Variants in COL28A1 observed in about 807,000 individuals in gnomAD.
The protein encoded by COL28A1 is collagen type XXVIII alpha 1 chain, also known as collagen alpha-1(XXVIII) chain.
In COL28A1, 161 loss-of-function variants were observed where a neutral mutation model predicts 150.2. That is an observed-to-expected ratio of 1.07 (90% CI 0.94 to 1.22). The LOEUF is 1.22. COL28A1 is among the 50% of genes most tolerant of loss of function. COL28A1 has a pLI of 0.00. For missense variants in COL28A1, 1,617 were observed against 1,388.3 expected (o/e 1.16, Z -2.62); for synonymous variants, 552 against 469.7 (o/e 1.18, Z -2.26).
intron 25 of COL28A1, among the ~76,000 whole-genome samples, chr7:7,427,616 A>G (rs975359473): frequency 6.6e-6 from 1 of 152,180 alleles, no homozygotes; most frequent in South Asian, 2.1e-4. Context: ...TGCTGGGAAC[A>G]TTTTTAGAAT....
chr7:7,477,320 C>T (rs759770778), intron 13 of COL28A1, 140 bp from the exon 14 acceptor site: 30 of 631,314 alleles, frequency 4.8e-5, no homozygotes, highest in Admixed American at 1.4e-4. Context: ...TGGATCTGTA[C>T]TAAACATGTA....
chr7:7,437,414 G>C lies in COL28A1; in HGVS notation c.1771C>G (p.Pro591Ala), dbSNP rs370364828. Residue 591 changes from proline to alanine, a missense_variant, in exon 22 of 35, where the codon CCT (proline) becomes GCT (alanine). Pro to Ala is a conservative substitution (Grantham distance 27, BLOSUM62 -1). Coordinates refer to ENST00000399429, the MANE Select transcript of COL28A1 (RefSeq NM_001037763.3). ...GPFGMPGTSI[P>A]GPPGPKGDRG... ...TATACCTTTGGCCCAGGTGGTCCAG[G>C]AATTGATGTTCCAGGCATTCCAAAA... is the stretch of plus-strand genomic sequence containing the variant. The C allele has an allele frequency of 1.9e-6, 3 of 1,613,260 alleles. No individual in the cohort carries two copies. Among genetic ancestry groups the C allele is most frequent in the Non-Finnish European group, 2.5e-6 (3 of 1,179,778 alleles).
At chr7:7,355,483 G>T (rs548966306), downstream of COL28A1, among the ~76,000 whole-genome samples, 11 of 152,088 alleles carry the variant, frequency 7.2e-5, no homozygotes, top group Admixed American at 7.2e-4. Flanking sequence ...GGTGGCAGGC[G>T]GCTGTAGTCC....
intron 27 of COL28A1, among the ~76,000 whole-genome samples, chr7:7,409,441 GA>G (rs1783663567): frequency 6.6e-6 from 1 of 151,884 alleles, no homozygotes; most frequent in South Asian, 2.1e-4. Context: ...GAGAAAGAAA[GA>G]AATGAAGGAA....
chr7:7,482,665 T>G (rs1348377311), intron 13 of COL28A1, among the ~76,000 whole-genome samples: 1 of 152,168 alleles, frequency 6.6e-6, no homozygotes, highest in Non-Finnish European at 1.5e-5. Flanking sequence ...TAATTATGAC[T>G]TGGAAAGCAA....
chr7:7,508,215 G>C (rs985553087), intron 9 of COL28A1, among the ~76,000 whole-genome samples: 11 of 150,148 alleles, frequency 7.3e-5, no homozygotes, highest in African/African-American at 2.5e-4. Flanking sequence ...CTGGGCAACA[G>C]AGCGAGACTC....
intron 23 of COL28A1, among the ~76,000 whole-genome samples, chr7:7,433,363 C>T (rs750673248): frequency 1.6e-4 from 24 of 152,112 alleles, no homozygotes; most frequent in Non-Finnish European, 3.2e-4. Context: ...TGGCCGGGTG[C>T]GGTGGCTCAC....
intron 33 of COL28A1, among the ~76,000 whole-genome samples, chr7:7,367,777 C>T (rs908761637): frequency 6.7e-6 from 1 of 150,214 alleles, no homozygotes; most frequent in Non-Finnish European, 1.5e-5. Flanking sequence ...CAGGCACCTC[C>T]ACTTTACATG....
rs572865955 is a variant in COL28A1 at position 7,443,030 on chromosome 7, G to A, written c.1650+555C>T. Among the ~76,000 whole-genome samples the A allele has an allele frequency of 1.0e-4, 14 of 136,452 alleles. No individual in the cohort carries two copies. The East Asian group carries it at 1.0e-3, about 10-fold the overall frequency. The allele number at this position is 136,452 out of a possible 152,430, so 89.5% of individuals were successfully genotyped here. A position where few individuals can be genotyped will look rare whatever the true frequency, so the allele number is the denominator to read the frequency against. ...AGCCTGTGGGACAGAGTGAGACTCC[G>A]TCTCAAAAAAAAAAAAAAAATTGCA... On this transcript the variant is annotated intron_variant, in intron 20 of 34. Coordinates refer to ENST00000399429, the MANE Select transcript of COL28A1 (RefSeq NM_001037763.3).
chr7:7,426,259 T>C (rs1784636747), intron 25 of COL28A1, among the ~76,000 whole-genome samples: 1 of 152,210 alleles, frequency 6.6e-6, no homozygotes, highest in South Asian at 2.1e-4. Flanking sequence ...CTTATGTTTC[T>C]TTCTTTCTGG....
upstream of COL28A1, among the ~76,000 whole-genome samples, chr7:7,538,265 T>C (rs888310531): frequency 3.3e-5 from 5 of 152,308 alleles, no homozygotes; most frequent in Admixed American, 6.5e-5. Context: ...CTATTGGACT[T>C]ACACCAGAAC....
chr7:7,368,248 G>T (rs1781039650), intron 33 of COL28A1, among the ~76,000 whole-genome samples: 1 of 152,076 alleles, frequency 6.6e-6, no homozygotes, highest in African/African-American at 2.4e-5. Flanking sequence ...AATACATTAA[G>T]ACATTTATAA....
chr7:7,379,301 T>C (rs934636534), intron 30 of COL28A1, among the ~76,000 whole-genome samples: 1 of 152,170 alleles, frequency 6.6e-6, no homozygotes, highest in Non-Finnish European at 1.5e-5. Context: ...TCCTTCACTC[T>C]TCTCGTCTTG....
chr7:7,512,024 T>G (rs1477678002), intron 8 of COL28A1, among the ~76,000 whole-genome samples: 1 of 152,218 alleles, frequency 6.6e-6, no homozygotes, highest in East Asian at 1.9e-4. Context: ...TGGAATATTA[T>G]TCAGCCTTTG....
chr7:7,433,081 T>C (rs1007437191), intron 23 of COL28A1, among the ~76,000 whole-genome samples: 4 of 152,118 alleles, frequency 2.6e-5, no homozygotes, highest in African/African-American at 7.2e-5. Flanking sequence ...AAACAAGTTA[T>C]GAAGGGATAG....
chr7:7,431,616 G>A (rs999584762), intron 25 of COL28A1: 1 of 471,024 alleles, frequency 2.1e-6, no homozygotes, highest in African/African-American at 2.0e-5. Flanking sequence ...GGGCATGAAG[G>A]ATCTTCAAGG....
chr7:7,401,612 C>T (rs529639211), intron 27 of COL28A1, among the ~76,000 whole-genome samples: 1 of 152,182 alleles, frequency 6.6e-6, no homozygotes, highest in South Asian at 2.1e-4. Context: ...CTATATTATA[C>T]CCCATATTCA....
chr7:7,446,983 A>C (rs1463410217), intron 18 of COL28A1, among the ~76,000 whole-genome samples: 1 of 152,188 alleles, frequency 6.6e-6, no homozygotes, highest in African/African-American at 2.4e-5. Context: ...GAAAACAACC[A>C]ACTTAAAGGA....
intron 19 of COL28A1, among the ~76,000 whole-genome samples, chr7:7,444,203 G>C (rs1365632900): frequency 1.2e-4 from 19 of 152,032 alleles, no homozygotes; most frequent in Non-Finnish European, 5.9e-5. Flanking sequence ...CAAAACACCA[G>C]ACAGAAGGCA....
Sources: allele counts gnomAD v4.1 joint callset (sites outside exome capture counted in the v4.1 genomes callset), GRCh38; gene constraint gnomAD v4.1.1; transcripts MANE v1.5; gene names NCBI Gene and HGNC (gene_info 2026-07-23, HGNC 2026-07-21).